The following TRIP12 variants were observed in gnomAD, a reference collection of about 807,000 sequenced individuals.
TRIP12 encodes the protein E3 ubiquitin-protein ligase TRIP12.
A neutral mutation model predicts 244.2 loss-of-function variants in TRIP12; 25 were observed. The ratio of observed to expected loss-of-function variants is 0.10; its 90% CI spans 0.07 to 0.14. The LOEUF is 0.14. TRIP12 is among the 10% of genes least tolerant of loss of function. TRIP12 has a pLI of 1.00. For synonymous variants in TRIP12, 905 were observed against 873.1 expected, an observed-to-expected ratio of 1.04 and a Z score of -0.64; for missense variants, 1,677 against 2,486.4, an observed-to-expected ratio of 0.67 and a Z score of 6.92.
intron 1 of TRIP12, among the ~76,000 whole-genome samples, chr2:229,913,920 GT>G (rs1358906369): frequency 2.6e-5 from 4 of 152,218 alleles, no homozygotes; most frequent in Non-Finnish European, 5.9e-5. Context: ...AGAGTAAGGA[GT>G]AAAAATTTTA....
chr2:229,910,095 G>A (rs1305290097), intron 1 of TRIP12, among the ~76,000 whole-genome samples: 1 of 152,064 alleles, frequency 6.6e-6, no homozygotes, highest in Non-Finnish European at 1.5e-5. Flanking sequence ...AACAATTCCA[G>A]AATTTTTTTA....
chr2:229,892,358 C>T (rs80330262), intron 1 of TRIP12, among the ~76,000 whole-genome samples: 1 of 152,076 alleles, frequency 6.6e-6, no homozygotes, highest in African/African-American at 2.4e-5. Context: ...AAAAAGTCTG[C>T]AAAAATACAC....
intron 2 of TRIP12, among the ~76,000 whole-genome samples, chr2:229,863,208 G>A (rs1022346034): frequency 2.1e-5 from 3 of 144,568 alleles, no homozygotes; most frequent in Non-Finnish European, 4.5e-5. Flanking sequence ...CAGCCTGGGT[G>A]ACAGGGCGAG....
intron 4 of TRIP12, among the ~76,000 whole-genome samples, chr2:229,845,805 T>C (rs1336461070): frequency 6.6e-6 from 1 of 151,936 alleles, no homozygotes; most frequent in African/African-American, 2.4e-5. Flanking sequence ...GCAGGAGGAT[T>C]GCTGGAGGCC....
chr2:229,849,113 G>C (rs2058146321), intron 4 of TRIP12, among the ~76,000 whole-genome samples: 1 of 152,166 alleles, frequency 6.6e-6, no homozygotes, highest in South Asian at 2.1e-4. Flanking sequence ...TCTTCAAGAT[G>C]AAACAAATGC....
chr2:229,864,001 TGAAAGAGAGAGAGAGA>T lies in TRIP12; in HGVS notation c.99-3486_99-3471del, dbSNP rs757230712. On this transcript the variant is annotated intron_variant, in intron 2 of 41. Coordinates refer to ENST00000675903, the MANE Select transcript of TRIP12 (RefSeq NM_001348323.3). The stretch of plus-strand genomic sequence containing the variant: ...GTAAATTATAGCCCAAAGATTTGGG[TGAAAGAGAGAGAGAGA>T]GAGAGAGAGAGAGAGAGAGAGAGAG... 9.2e-4 allele frequency among the ~76,000 whole-genome samples: 105 copies of T among 113,534 alleles called. 1 individual carries two copies. Among genetic ancestry groups the T allele is most frequent in the Middle Eastern group, 5.6e-3 (1 of 180 alleles). 74.5% of individuals were successfully genotyped at this position (113,534 alleles called of 152,430 possible).
chr2:229,879,915 CAAG>C (rs2064467809), intron 2 of TRIP12, 64 bp downstream of exon 2: 1 of 1,568,514 alleles, frequency 6.4e-7, no homozygotes, highest in South Asian at 1.1e-5. Context: ...TTGGACCTCG[CAAG>C]GAGGCTTAAA....
At chr2:229,799,515 G>A (rs939017355) in intron 21 of TRIP12, 132 bp from the exon 22 acceptor site, 11 of 743,412 alleles carry the variant, frequency 1.5e-5, no homozygotes, top group African/African-American at 3.5e-5. Context: ...GGTGGCTCAC[G>A]CCTGTAATCC....
chr2:229,794,251 T>C (rs899259269), intron 26 of TRIP12, among the ~76,000 whole-genome samples: 4 of 152,144 alleles, frequency 2.6e-5, no homozygotes, highest in African/African-American at 2.4e-5. Flanking sequence ...TTTTTAAATG[T>C]TTTTAAAACG....
rs1300458163 is a variant in TRIP12, at chr2:229,880,066, G to A, written c.14C>T (p.Pro5Leu). ...CAGTGACCCCCCTGGATTGTTATTA[G>A]GCCGGTTGGACATTGGCACCTCTCT... MSNR[P>L]NNNPGGSLRR... is the part of the protein sequence containing the mutation. Residue 5 changes from proline (P) to leucine (L), a missense_variant, in exon 2 of 42, where the codon CCT (proline) becomes CTT (leucine). By Grantham distance (98) the Pro-to-Leu change is moderately conservative. This residue lies in a region of TRIP12 where 387 missense variants were observed against 392.6 expected (regional missense o/e 0.99). Coordinates refer to ENST00000675903, the MANE Select transcript of TRIP12 (RefSeq NM_001348323.3). 3.1e-6 allele frequency: 5 copies of A among 1,613,930 alleles called. No individual in the cohort carries two copies. The highest frequency in any genetic ancestry group is 4.2e-6 in the Non-Finnish European group (5 of 1,180,038).
At chr2:229,789,783 G>A in intron 30 of TRIP12, 21 bp from the exon 31 acceptor site, 1 of 1,612,102 alleles carries the variant, frequency 6.2e-7, no homozygotes. Context: ...AAAGATCAAA[G>A]TAAGTTTTGA....
chr2:229,804,266 T>A, intron 18 of TRIP12, 39 bp from the exon 19 acceptor site: 1 of 1,496,204 alleles, frequency 6.7e-7, no homozygotes, highest in Non-Finnish European at 9.1e-7. Flanking sequence ...AATCCTGAAG[T>A]GACAGACTTC....
chr2:229,922,345 C>T (rs12993164), upstream of TRIP12: 183,796 of 620,786 alleles, frequency 0.3, 30,024 homozygotes, highest in Middle Eastern at 0.46. Flanking sequence ...GGAAATTTCA[C>T]GGATCAGGGT....
intron 13 of TRIP12, 109 bp from the exon 14 acceptor site, chr2:229,811,313 A>G: frequency 8.9e-7 from 1 of 1,117,704 alleles, no homozygotes; most frequent in Non-Finnish European, 1.3e-6. Context: ...GGCAAGCTCA[A>G]TTAGTAAATG....
At chr2:229,831,287 T>TATTTCCGG (rs1243179610) in intron 6 of TRIP12, 2 of 613,942 alleles carry the variant, frequency 3.3e-6, no homozygotes, top group African/African-American at 3.7e-5. Flanking sequence ...AAGTCTGCTT[T>TATTTCCGG]ATTTCCGGAC....
chr2:229,900,431 C>T (rs1338568786), intron 1 of TRIP12, among the ~76,000 whole-genome samples: 2 of 152,174 alleles, frequency 1.3e-5, no homozygotes, highest in South Asian at 4.1e-4. Context: ...TGGGGTATTT[C>T]TTCCTAAAGA....
At chr2:229,797,099 C>T (rs2043003994) in intron 24 of TRIP12, among the ~76,000 whole-genome samples, 1 of 152,052 alleles carries the variant, frequency 6.6e-6, no homozygotes, top group Non-Finnish European at 1.5e-5. Flanking sequence ...GGGGCTATAA[C>T]ACCAGAATGG....
rs1307013738 is a variant in TRIP12 at position 229,813,953 on chromosome 2, T to G, written c.1903A>C (p.Asn635His). Residue 635 changes from asparagine (N) to histidine (H), a missense_variant, in exon 13 of 42, where the codon AAT becomes CAT. Physicochemically the swap from Asn to His is moderately conservative, Grantham distance 68 (BLOSUM62 1). Around this residue, in one of 11 missense-constraint regions of TRIP12, gnomAD observed 572 missense variants for 867.8 expected, o/e 0.66. Transcript: ENST00000675903. ...AQRNALAIAA[N>H]CCQSITPDEF... ...TCTGGCGTGATACTCTGGCAGCAAT[T>G]AGCTGCAATTGCTAATGCATTTCTT... 6.3e-7 allele frequency: 1 copy of G among 1,599,504 alleles called. No individual in the cohort carries two copies. The highest frequency in any genetic ancestry group is 1.3e-5 in the African/African-American group (1 of 74,764).
chr2:229,790,540 A>AGGGGG (rs71396611), intron 30 of TRIP12, among the ~76,000 whole-genome samples: 1 of 101,558 alleles, frequency 9.8e-6, no homozygotes, highest in Non-Finnish European at 2.0e-5. Flanking sequence ...GAGCAGGGGG[A>AGGGGG]GGGGGGGGTG....
Sources: gnomAD v4.1 joint callset for allele counts (sites outside exome capture counted in the v4.1 genomes callset) on GRCh38, gnomAD v4.1.1 for gene constraint, gnomAD v4.1.1 regional missense constraint, MANE v1.5 for transcripts, NCBI Gene and HGNC (gene_info 2026-07-23, HGNC 2026-07-21) for gene names.